Variants in CCN2 observed in about 807,000 individuals in gnomAD.
CCN2 encodes the protein CCN family member 2.
Under a neutral mutation model 33.2 loss-of-function variants are expected in CCN2, and 22 were observed. That is an observed-to-expected ratio of 0.66 (90% CI 0.47 to 0.95). CCN2 has a LOEUF of 0.95. Among genes scored for constraint, CCN2 ranks in the 40% least tolerant of loss-of-function variants. CCN2 has a pLI of 0.00. For synonymous variants in CCN2, 178 were observed against 200.6 expected, an observed-to-expected ratio of 0.89 and a Z score of 0.95; for missense variants, 469 against 498.8, an observed-to-expected ratio of 0.94 and a Z score of 0.57.
chr6:131,950,912 G>A lies in CCN2; in HGVS notation c.147C>T (p.Leu49=). 5 of 1,500,748 alleles carry A rather than the reference G, an allele frequency of 3.3e-6. No individual in the cohort carries two copies. Among genetic ancestry groups the A allele is most frequent in the Non-Finnish European group, 4.4e-6 (5 of 1,133,704 alleles). 93.0% of individuals were successfully genotyped at this position (1,500,748 alleles called of 1,614,324 possible). ...GGCAGCAGCCGCAGCCGTCCAGCAC[G>A]AGGCTCACGCCCGCCGGGCAGCGCG... is the stretch of plus-strand genomic sequence containing the variant. ...PAPRCPAGVS[L]VLDGCGCCRV... is the part of the protein sequence containing the mutation. The change falls in exon 2 of 5, where the codon CTC becomes CTT. Residue 49 remains leucine (L), a synonymous_variant. Coordinates refer to ENST00000367976, the MANE Select transcript of CCN2 (RefSeq NM_001901.4). This position sits in a 1 kb window ranked among gnomAD's most constrained non-coding sequence, Gnocchi z 7.1.
chr6:131,951,344 C>G lies in CCN2; in HGVS notation c.-172G>C. 2.2e-6 allele frequency: 1 copy of G among 458,764 alleles called. No homozygotes were observed. The highest frequency in any genetic ancestry group is 3.9e-5 in the East Asian group (1 of 25,428). 28.4% of individuals were successfully genotyped at this position (458,764 alleles called of 1,614,324 possible). A position where few individuals can be genotyped will look rare whatever the true frequency, so the allele number is the denominator to read the frequency against. ...TGGAGGGTGGAGTCGCACTGGCTGT[C>G]TCCTCTCAGCGGGGAAGAGTTGTTG... On this transcript the variant is annotated 5_prime_UTR_variant, in exon 1 of 5. Coordinates refer to ENST00000367976, the MANE Select transcript of CCN2 (RefSeq NM_001901.4).
At position 131,950,897 on chromosome 6, in the gene CCN2, G is replaced by T. The variant is rs1256160317; in HGVS notation, c.162C>A (p.Cys54Ter). Residue 54 changes from cysteine (C) to a stop codon, truncating the protein, a stop_gained, in exon 2 of 5, where the codon TGC (cysteine) becomes TGA (stop). Coordinates refer to ENST00000367976, the MANE Select transcript of CCN2 (RefSeq NM_001901.4). LOFTEE classifies it high-confidence loss of function. This position sits in a 1 kb window ranked among gnomAD's most constrained non-coding sequence, Gnocchi z 7.1. Reference protein sequence around the residue: ...PAGVSLVLDGCGCCRVCAKQL... With the variant: ...PAGVSLVLDG ...GCTTGGCGCAGACGCGGCAGCAGCCGCAGCCGTCCAGCACGAGGCTCACGC... is the reference window on the plus strand; with the variant it reads ...GCTTGGCGCAGACGCGGCAGCAGCCTCAGCCGTCCAGCACGAGGCTCACGC... 1.3e-6 allele frequency: 2 copies of T among 1,528,084 alleles called. No individual in the cohort carries two copies. The highest frequency in any genetic ancestry group is 1.4e-5 in the African/African-American group (1 of 72,384). The allele number at this position is 1,528,084 out of a possible 1,614,324, so 94.7% of individuals were successfully genotyped here.
At chr6:131,949,674 T>C in intron 4 of CCN2, 114 bp from the exon 5 acceptor site, 1 of 1,067,796 alleles carries the variant, frequency 9.4e-7, no homozygotes. Flanking sequence ...CTTCTGTTTA[T>C]ATTTTGAGGG....
Position 131,949,456 on chromosome 6 carries a change from T to C in CCN2, c.858A>G (p.Val286=). Reference sequence around the variant, plus strand: ...GGGTGCAGCATCGGCCGTCGGTACATACTCCACAGAATTTAGCTCGGTATG... The same window carrying C: ...GGGTGCAGCATCGGCCGTCGGTACACACTCCACAGAATTTAGCTCGGTATG... ...MKTYRAKFCG[V]CTDGRCCTPH... The change falls in exon 5 of 5, where the codon GTA becomes GTG. Residue 286 remains valine, a synonymous_variant. Coordinates refer to ENST00000367976, the MANE Select transcript of CCN2 (RefSeq NM_001901.4). 6.2e-7 allele frequency: 1 copy of C among 1,614,192 alleles called. No homozygotes were observed. Among genetic ancestry groups the C allele is most frequent in the Non-Finnish European group, 8.5e-7 (1 of 1,180,048 alleles).
At chr6:131,949,855 C>A (rs769130626) in intron 4 of CCN2, 94 bp downstream of exon 4, 46 of 1,210,678 alleles carry the variant, frequency 3.8e-5, no homozygotes, top group Non-Finnish European at 2.1e-5. Flanking sequence ...TTGGAGATAA[C>A]GGGCTTATAC....
In CCN2 at chr6:131,950,645, G is replaced by A; in HGVS notation, c.290-102C>T. On this transcript the variant is annotated intron_variant, in intron 2 of 4. Coordinates refer to ENST00000367976, the MANE Select transcript of CCN2 (RefSeq NM_001901.4). The surrounding 1 kb of genome is among the most constrained non-coding windows in gnomAD (Gnocchi z 7.1). ...AGGGATGCGAGTTGGGATCTGGGCT[G>A]CAGGGGGCGGGCTGGCAGCAGCTGG... The A allele has an allele frequency of 6.5e-7, 1 of 1,534,888 alleles. No homozygotes were observed. The highest frequency in any genetic ancestry group is 8.8e-7 in the Non-Finnish European group (1 of 1,131,068).
Position 131,949,256 on chromosome 6 carries a change from C to T in CCN2, c.*8G>A, listed in dbSNP as rs370307546. 2.3e-5 allele frequency: 37 copies of T among 1,611,386 alleles called. No individual in the cohort carries two copies. The highest frequency in any genetic ancestry group is 3.1e-5 in the Non-Finnish European group (36 of 1,177,738). The stretch of plus-strand genomic sequence containing the variant: ...GTCTAATGAGTTAATGTCTCTCACT[C>T]TCTGGCTTCATGCCATGTCTCCGTA... On this transcript the variant is annotated 3_prime_UTR_variant, in exon 5 of 5. Transcript: ENST00000367976.
In CCN2 at chr6:131,950,408, C is replaced by T. The variant is rs1783086911; in HGVS notation, c.425G>A (p.Arg142His). ...GCMPLCSMDV[R>H]LPSPDCPFPR... Reference sequence around the variant, plus strand: ...GAAGGGGCAGTCAGGGCTGGGCAGACGAACGTCCATGCTGCACAGGGGCAT... The same window carrying T: ...GAAGGGGCAGTCAGGGCTGGGCAGATGAACGTCCATGCTGCACAGGGGCAT... Residue 142 changes from arginine (R) to histidine (H), a missense_variant, in exon 3 of 5, where the codon CGT becomes CAT. Physicochemically the swap from Arg to His is conservative, Grantham distance 29. Transcript: ENST00000367976. This position sits in a 1 kb window ranked among gnomAD's most constrained non-coding sequence, Gnocchi z 7.1. 3.1e-6 allele frequency: 5 copies of T among 1,614,072 alleles called. No individual in the cohort carries two copies. The highest frequency in any genetic ancestry group is 4.5e-5 in the East Asian group (2 of 44,862).
At position 131,950,709 on chromosome 6, in the gene CCN2, G is replaced by A; in HGVS notation, c.289+61C>T. The A allele has an allele frequency of 6.8e-7, 1 of 1,476,902 alleles. No homozygotes were observed. The highest frequency in any genetic ancestry group is 9.0e-7 in the Non-Finnish European group (1 of 1,105,808). 91.5% of individuals were successfully genotyped at this position (1,476,902 alleles called of 1,614,324 possible). A position where few individuals can be genotyped will look rare whatever the true frequency, so the allele number is the denominator to read the frequency against. On this transcript the variant is annotated intron_variant, in intron 2 of 4. Coordinates refer to ENST00000367976, the MANE Select transcript of CCN2 (RefSeq NM_001901.4). This position sits in a 1 kb window ranked among gnomAD's most constrained non-coding sequence, Gnocchi z 7.1. ...GTCCGAGCGGTTTCTTTTTCCAGCG[G>A]GCGGGTGGGCGTGAGGGAGGAGGCG...
Position 131,949,556 on chromosome 6 carries a change from C to T in CCN2, c.758G>A (p.Gly253Asp). 1 of 1,439,516 alleles carries T rather than the reference C, an allele frequency of 6.9e-7. No individual in the cohort carries two copies. Among genetic ancestry groups the T allele is most frequent in the Non-Finnish European group, 9.5e-7 (1 of 1,047,510 alleles). The allele number at this position is 1,439,516 out of a possible 1,614,324, so 89.2% of individuals were successfully genotyped here. A position where few individuals can be genotyped will look rare whatever the true frequency, so the allele number is the denominator to read the frequency against. Residue 253 changes from glycine (G) to aspartate (D), a missense_variant, in exon 5 of 5, where the codon GGC becomes GAC. Transcript: ENST00000367976. ...TTTGGGAGTACGGATGCACTTTTTG[C>T]CCTTCTAAGGAAGACAAGGGAAAAG... ...EADLEENIKK[G>D]KKCIRTPKIS...
chr6:131,950,425 C>G lies in CCN2; in HGVS notation c.408G>C (p.Leu136=), dbSNP rs1783087166. 1.9e-6 allele frequency: 3 copies of G among 1,613,898 alleles called. No homozygotes were observed. The highest frequency in any genetic ancestry group is 1.1e-5 in the South Asian group (1 of 91,078). ...CLDGAVGCMP[L]CSMDVRLPSP... Reference sequence around the variant, plus strand: ...TGGGCAGACGAACGTCCATGCTGCACAGGGGCATGCAGCCCACCGCCCCGT... The same window carrying G: ...TGGGCAGACGAACGTCCATGCTGCAGAGGGGCATGCAGCCCACCGCCCCGT... Residue 136 remains leucine (L), a synonymous_variant, in exon 3 of 5, where the codon CTG becomes CTC. Transcript: ENST00000367976. This position sits in a 1 kb window ranked among gnomAD's most constrained non-coding sequence, Gnocchi z 7.1.
At position 131,949,588 on chromosome 6, in the gene CCN2, G is replaced by GA. The variant is rs59140114; in HGVS notation, c.754-29dup. On this transcript the variant is annotated intron_variant, in intron 4 of 4. Coordinates refer to ENST00000367976, the MANE Select transcript of CCN2 (RefSeq NM_001901.4). ...AAGGAAGACAAGGGAAAAGAGAGAG[G>GA]AAAAAAAAAAATCAGCGACTCTACA... 2,082 of 1,059,808 alleles carry GA rather than the reference G, an allele frequency of 2.0e-3. 1 individual carries two copies. Among genetic ancestry groups the GA allele is most frequent in the Middle Eastern group, 3.1e-3 (13 of 4,200 alleles). The allele number at this position is 1,059,808 out of a possible 1,614,324, so 65.7% of individuals were successfully genotyped here.
In CCN2 at chr6:131,950,593, T is replaced by C. The variant is rs903657004; in HGVS notation, c.290-50A>G. ...GGGTGGGGGATGCAGAGGTCAGGCATTGGGGCACTCTCACATCCAGAGCGT... is the reference window on the plus strand; with the variant it reads ...GGGTGGGGGATGCAGAGGTCAGGCACTGGGGCACTCTCACATCCAGAGCGT... On this transcript the variant is annotated intron_variant, in intron 2 of 4. Coordinates refer to ENST00000367976, the MANE Select transcript of CCN2 (RefSeq NM_001901.4). This position sits in a 1 kb window ranked among gnomAD's most constrained non-coding sequence, Gnocchi z 7.1. 6.9e-6 allele frequency: 11 copies of C among 1,593,584 alleles called. No individual in the cohort carries two copies. Among genetic ancestry groups the C allele is most frequent in the Non-Finnish European group, 9.4e-6 (11 of 1,168,798 alleles).
chr6:131,951,200 C>T lies in CCN2; in HGVS notation c.-28G>A, dbSNP rs1783105816. ...TTGGCACTGCGGGCGGAGCGGAGGG[C>T]GCGGTGGCGGCGAGCGGGGAGCGGC... On this transcript the variant is annotated 5_prime_UTR_variant, in exon 1 of 5. Transcript: ENST00000367976. 3 of 1,286,246 alleles carry T rather than the reference C, an allele frequency of 2.3e-6. No homozygotes were observed. Among genetic ancestry groups the T allele is most frequent in the Admixed American group, 3.7e-5 (1 of 27,294 alleles). The allele number at this position is 1,286,246 out of a possible 1,614,324, so 79.7% of individuals were successfully genotyped here.
At position 131,950,261 on chromosome 6, in the gene CCN2, C is replaced by G. The variant is rs904611722; in HGVS notation, c.541+31G>C. The G allele has an allele frequency of 5.0e-6, 8 of 1,610,364 alleles. No individual in the cohort carries two copies. Among genetic ancestry groups the G allele is most frequent in the Non-Finnish European group, 6.8e-6 (8 of 1,177,152 alleles). ...GGACTCCCTCCCTGGGAGAGAATCA[C>G]GACCCTGACTTAGAGGAAGACTCGA... is the stretch of plus-strand genomic sequence containing the variant. On this transcript the variant is annotated intron_variant, in intron 3 of 4. Transcript: ENST00000367976. This position sits in a 1 kb window ranked among gnomAD's most constrained non-coding sequence, Gnocchi z 7.1.
chr6:131,948,827 A>G lies in CCN2; in HGVS notation c.*437T>C, dbSNP rs907818138. The G allele has an allele frequency of 1.1e-5, 2 of 188,848 alleles. No individual in the cohort carries two copies. Among genetic ancestry groups the G allele is most frequent in the Admixed American group, 1.1e-4 (2 of 18,904 alleles). 11.7% of individuals were successfully genotyped at this position (188,848 alleles called of 1,614,324 possible). A position where few individuals can be genotyped will look rare whatever the true frequency, so the allele number is the denominator to read the frequency against. On this transcript the variant is annotated 3_prime_UTR_variant, in exon 5 of 5. Transcript: ENST00000367976. ...TCTGACTTAAGGAACAACTTGACTC[A>G]GTCTCTTGATGGCTGGAGAATGCAC...
chr6:131,951,192 GC>G lies in CCN2; in HGVS notation c.-21del. The G allele has an allele frequency of 7.7e-7, 1 of 1,297,210 alleles. No individual in the cohort carries two copies. The highest frequency in any genetic ancestry group is 2.5e-5 in the South Asian group (1 of 40,620). 80.4% of individuals were successfully genotyped at this position (1,297,210 alleles called of 1,614,324 possible). On this transcript the variant is annotated 5_prime_UTR_variant, in exon 1 of 5. Coordinates refer to ENST00000367976, the MANE Select transcript of CCN2 (RefSeq NM_001901.4). Reference sequence around the variant, plus strand: ...GGTCATGGTTGGCACTGCGGGCGGAGCGGAGGGCGCGGTGGCGGCGAGCGGG... The same window carrying G: ...GGTCATGGTTGGCACTGCGGGCGGAGGGAGGGCGCGGTGGCGGCGAGCGGG...
rs1429493400 is a variant in CCN2, at chr6:131,949,131, G to T, written c.*133C>A. 5 of 777,500 alleles carry T rather than the reference G, an allele frequency of 6.4e-6. No homozygotes were observed. The highest frequency in any genetic ancestry group is 1.1e-5 in the Non-Finnish European group (5 of 475,410). 48.2% of individuals were successfully genotyped at this position (777,500 alleles called of 1,614,324 possible). ...GACATGGCACAATGTTTTGAATTGGGTGGGAATCTTTTCCCCCAGTTAGAA... is the reference window on the plus strand; with the variant it reads ...GACATGGCACAATGTTTTGAATTGGTTGGGAATCTTTTCCCCCAGTTAGAA... On this transcript the variant is annotated 3_prime_UTR_variant, in exon 5 of 5. Coordinates refer to ENST00000367976, the MANE Select transcript of CCN2 (RefSeq NM_001901.4).
chr6:131,950,214 C>T lies in CCN2; in HGVS notation c.542-54G>A. ...GTAAAACGCCTGGATAAGGTATTTCCCCCGTTCGGTCGGCACAGTTAGGAC... is the reference window on the plus strand; with the variant it reads ...GTAAAACGCCTGGATAAGGTATTTCTCCCGTTCGGTCGGCACAGTTAGGAC... On this transcript the variant is annotated intron_variant, in intron 3 of 4. Coordinates refer to ENST00000367976, the MANE Select transcript of CCN2 (RefSeq NM_001901.4). The surrounding 1 kb of genome is among the most constrained non-coding windows in gnomAD (Gnocchi z 7.1). The T allele has an allele frequency of 6.2e-7, 1 of 1,611,842 alleles. No individual in the cohort carries two copies. The highest frequency in any genetic ancestry group is 8.5e-7 in the Non-Finnish European group (1 of 1,178,322).
Sources: gnomAD v4.1 joint callset for allele counts on GRCh38, gnomAD v4.1.1 for gene constraint, Gnocchi (gnomAD v3.1) non-coding constraint, MANE v1.5 for transcripts, NCBI Gene and HGNC (gene_info 2026-07-23, HGNC 2026-07-21) for gene names.